PAPLN: variants seen among roughly 807,000 people sequenced by gnomAD.
PAPLN encodes papilin.
Under a neutral mutation model 159.0 loss-of-function variants are expected in PAPLN, and 146 were observed. The observed-to-expected ratio is 0.92, with a 90% confidence interval of 0.80 to 1.05. The LOEUF is 1.05. Among genes scored for constraint, PAPLN ranks in the 50% least tolerant of loss-of-function variants. The probability of loss-of-function intolerance (pLI) is 0.00; values close to 1 mark genes in which losing one functional copy is unlikely to be tolerated. For missense variants in PAPLN, 1,720 were observed against 1,743.9 expected, an observed-to-expected ratio of 0.99 and a Z score of 0.24; for synonymous variants, 734 against 702.9, an observed-to-expected ratio of 1.04 and a Z score of -0.70.
intron 2 of PAPLN, chr14:73,242,938 C>T (rs1365571134): frequency 2.0e-5 from 3 of 152,238 alleles, no homozygotes; most frequent in Non-Finnish European, 2.9e-5. Context: ...AAACGTCCTT[C>T]CTCACCTGAG....
chr14:73,251,910 G>C, intron 9 of PAPLN, 74 bp downstream of exon 9: 3 of 1,547,204 alleles, frequency 1.9e-6, no homozygotes, highest in African/African-American at 1.4e-5. Flanking sequence ...CTCTGTACAT[G>C]GGGGGTTGAG....
rs1264327617 is a variant in PAPLN, at chr14:73,245,409, A to T, written c.171-227A>T. The T allele has an allele frequency of 3.6e-6, 2 of 562,628 alleles. No homozygotes were observed. The highest frequency in any genetic ancestry group is 3.2e-5 in the Admixed American group (1 of 31,738). 34.9% of individuals were successfully genotyped at this position (562,628 alleles called of 1,614,324 possible). ...GATGCAGTGGAGTGGTCCCGCCTTA[A>T]ATCCAAACTATAGGGTGGGTAGGGC... On this transcript the variant is annotated intron_variant, in intron 3 of 26. Coordinates refer to ENST00000644200, the MANE Select transcript of PAPLN (RefSeq NM_001365906.3). This position sits in a 1 kb window ranked among gnomAD's most constrained non-coding sequence, Gnocchi z 4.2.
In PAPLN at chr14:73,244,542, C is replaced by G; in HGVS notation, c.55-102C>G. On this transcript the variant is annotated intron_variant, in intron 2 of 26. Coordinates refer to ENST00000644200, the MANE Select transcript of PAPLN (RefSeq NM_001365906.3). ...GCCCTGGAAGGGAGAATCCCAGACT[C>G]CTTGATGGGTAGGGGAGGGTTTTAG... The G allele has an allele frequency of 5.0e-6, 5 of 992,996 alleles. No individual in the cohort carries two copies. In the South Asian group the frequency reaches 7.2e-5, roughly 14 times the overall value. The allele number at this position is 992,996 out of a possible 1,614,324, so 61.5% of individuals were successfully genotyped here.
chr14:73,271,390 G>A lies in PAPLN; in HGVS notation c.3668-1105G>A, dbSNP rs182615021. Among the ~76,000 whole-genome samples the A allele has an allele frequency of 7.9e-5, 12 of 152,234 alleles. No homozygotes were observed. The East Asian group carries it at 2.3e-3, about 29-fold the overall frequency. ...GTGAGTAAACAAGGGGAGAGAGAAA[G>A]ATAAGCTTTCTCTGGCTGCTTGAGG... On this transcript the variant is annotated intron_variant, in intron 26 of 26. Transcript: ENST00000644200.
chr14:73,250,154 T>G (rs1379452146), intron 6 of PAPLN, 40 bp downstream of exon 6: 7 of 1,560,730 alleles, frequency 4.5e-6, no homozygotes, highest in Non-Finnish European at 6.1e-6. Flanking sequence ...CCGGGCTGCC[T>G]GGGGGCTCAG....
chr14:73,266,917 T>C (rs190966004), intron 25 of PAPLN, 86 bp downstream of exon 25: 503 of 1,271,864 alleles, frequency 4.0e-4, no homozygotes, highest in Middle Eastern at 6.0e-4. Context: ...GGGATGTCAC[T>C]GTCACCACTG....
rs1594801717 is a variant in PAPLN, at chr14:73,253,869, G to A, written c.1210G>A (p.Ala404Thr). The A allele has an allele frequency of 6.2e-7, 1 of 1,613,558 alleles. No homozygotes were observed. Among genetic ancestry groups the A allele is most frequent in the Non-Finnish European group, 8.5e-7 (1 of 1,179,952 alleles). The part of the protein sequence containing the change: ...GAGIQEAVEE[A>T]ECAGLPGKPP... Reference sequence around the variant, plus strand: ...CGGCATCCAGGAGGCCGTGGAGGAGGCTGAGTGTGCCGGGCTGCCTGGGAA... The same window carrying A: ...CGGCATCCAGGAGGCCGTGGAGGAGACTGAGTGTGCCGGGCTGCCTGGGAA... Residue 404 changes from alanine (A) to threonine (T), a missense_variant, in exon 12 of 27, where the codon GCT becomes ACT. Ala to Thr is a moderately conservative substitution (Grantham distance 58). Coordinates refer to ENST00000644200, the MANE Select transcript of PAPLN (RefSeq NM_001365906.3).
chr14:73,240,325 C>T (rs1420370886), intron 2 of PAPLN, among the ~76,000 whole-genome samples: 1 of 152,078 alleles, frequency 6.6e-6, no homozygotes, highest in Non-Finnish European at 1.5e-5. Context: ...GCAGAAATGT[C>T]CTGTTTCTCT....
At chr14:73,242,364 G>C (rs1883660611) in intron 2 of PAPLN, among the ~76,000 whole-genome samples, 1 of 152,202 alleles carries the variant, frequency 6.6e-6, no homozygotes, top group African/African-American at 2.4e-5. Flanking sequence ...AGTACACCCA[G>C]CCCAGCTCCA....
intron 2 of PAPLN, among the ~76,000 whole-genome samples, chr14:73,240,677 C>A (rs1883448306): frequency 6.6e-6 from 1 of 152,208 alleles, no homozygotes; most frequent in Admixed American, 6.5e-5. Context: ...ACAGTGGACC[C>A]AGGAAGCTGG....
chr14:73,258,176 G>A (rs2140266873), intron 14 of PAPLN, among the ~76,000 whole-genome samples: 1 of 152,238 alleles, frequency 6.6e-6, no homozygotes, highest in South Asian at 2.1e-4. Context: ...TGTACAGGTT[G>A]GTGGTATTTA....
Position 73,271,402 on chromosome 14 carries a change from C to T in PAPLN, c.3668-1093C>T, listed in dbSNP as rs139774832. Among the ~76,000 whole-genome samples, 134 of 152,182 alleles carry T rather than the reference C, an allele frequency of 8.8e-4. 1 individual carries two copies. The highest frequency in any genetic ancestry group is 1.8e-3 in the African/African-American group (74 of 41,510). ...GGGGAGAGAGAAAGATAAGCTTTCT[C>T]TGGCTGCTTGAGGTCTGACTTCAGG... is the stretch of plus-strand genomic sequence containing the variant. On this transcript the variant is annotated intron_variant, in intron 26 of 26. Coordinates refer to ENST00000644200, the MANE Select transcript of PAPLN (RefSeq NM_001365906.3).
At chr14:73,261,067 C>T in intron 17 of PAPLN, 89 bp from the exon 18 acceptor site, 3 of 1,602,654 alleles carry the variant, frequency 1.9e-6, no homozygotes, top group South Asian at 2.2e-5. Flanking sequence ...TCTGGCCCCT[C>T]CTTCCTGCCA....
chr14:73,244,544 T>C (rs1883970822), intron 2 of PAPLN, 100 bp from the exon 3 acceptor site: 11 of 1,021,470 alleles, frequency 1.1e-5, no homozygotes, highest in South Asian at 9.9e-5. Flanking sequence ...CCCAGACTCC[T>C]TGATGGGTAG....
chr14:73,243,722 A>G (rs188193238), intron 2 of PAPLN: 2 of 152,374 alleles, frequency 1.3e-5, no homozygotes, highest in East Asian at 3.9e-4. Flanking sequence ...CTGGTGGGAA[A>G]GTGTACCTGC....
In PAPLN at chr14:73,263,759, T is replaced by C; in HGVS notation, c.2838T>C (p.Asp946=). The part of the protein sequence containing the change: ...APESQAAWQK[D]GQPISSDRHR... The stretch of plus-strand genomic sequence containing the variant: ...AATCCCAGGCTGCCTGGCAGAAAGA[T>C]GGCCAGCCCATCTCCTCTGACAGGT... The change falls in exon 20 of 27, where the codon GAT becomes GAC. Residue 946 remains aspartate (D), a synonymous_variant. Transcript: ENST00000644200. 1 of 1,605,710 alleles carries C rather than the reference T, an allele frequency of 6.2e-7. No individual in the cohort carries two copies. The highest frequency in any genetic ancestry group is 8.5e-7 in the Non-Finnish European group (1 of 1,179,838).
chr14:73,266,387 AC>A, intron 23 of PAPLN, 113 bp from the exon 24 acceptor site: 1 of 1,322,174 alleles, frequency 7.6e-7, no homozygotes, highest in Non-Finnish European at 1.0e-6. Flanking sequence ...TTAGCCTCTC[AC>A]CAGGGACCTA....
At chr14:73,249,606 G>A (rs76446109) in intron 5 of PAPLN, among the ~76,000 whole-genome samples, 14,379 of 149,632 alleles carry the variant, frequency 0.096, 1,218 homozygotes, top group East Asian at 0.43. Flanking sequence ...CTAGGGAGGC[G>A]GAGGTTGCAG....
At position 73,274,170 on chromosome 14, in the gene PAPLN, T is replaced by C. The variant is rs185709224; in HGVS notation, c.*1506T>C. 6.6e-6 allele frequency: 1 copy of C among 152,100 alleles called. No homozygotes were observed. Among genetic ancestry groups the C allele is most frequent in the Non-Finnish European group, 1.5e-5 (1 of 68,016 alleles). The allele number at this position is 152,100 out of a possible 1,614,324, so 9.4% of individuals were successfully genotyped here. ...GGATGAGGATAGCAATGGGGAAGGG[T>C]TGTGGGCAATGCAGTAACAGGGAAA... On this transcript the variant is annotated 3_prime_UTR_variant, in exon 27 of 27. Coordinates refer to ENST00000644200, the MANE Select transcript of PAPLN (RefSeq NM_001365906.3).
Sources: allele counts gnomAD v4.1 joint callset (sites outside exome capture counted in the v4.1 genomes callset), GRCh38; gene constraint gnomAD v4.1.1; non-coding constraint Gnocchi (gnomAD v3.1); transcripts MANE v1.5; gene names NCBI Gene and HGNC (gene_info 2026-07-23, HGNC 2026-07-21).